The following NUDT3 variants were observed in gnomAD, a reference collection of about 807,000 sequenced individuals.
The protein encoded by NUDT3 is nudix hydrolase 3.
A neutral mutation model predicts 23.6 loss-of-function variants in NUDT3; 9 were observed. That is an observed-to-expected ratio of 0.38 (90% CI 0.23 to 0.66). NUDT3 has a LOEUF of 0.66. Among genes scored for constraint, NUDT3 ranks in the 30% least tolerant of loss-of-function variants. The probability of loss-of-function intolerance (pLI) is 0.52; values close to 1 mark genes in which losing one functional copy is unlikely to be tolerated. For synonymous variants in NUDT3, 86 were observed against 82.6 expected (o/e 1.04, Z -0.22); for missense variants, 172 against 218.5 (o/e 0.79, Z 1.34).
At chr6:34,326,446 T>C (rs1418453153) in intron 2 of NUDT3, among the ~76,000 whole-genome samples, 2 of 152,196 alleles carry the variant, frequency 1.3e-5, no homozygotes, top group African/African-American at 2.4e-5. Context: ...AATTAACACA[T>C]ACTTTGGTTG....
intron 1 of NUDT3, among the ~76,000 whole-genome samples, chr6:34,364,758 G>A (rs996345402): frequency 6.6e-6 from 1 of 152,202 alleles, no homozygotes; most frequent in Non-Finnish European, 1.5e-5. Context: ...AATCAGCTGG[G>A]TGCGGTGGCT....
intron 1 of NUDT3, 104 bp downstream of exon 1, chr6:34,392,160 G>T: frequency 1.3e-6 from 1 of 758,512 alleles, no homozygotes; most frequent in South Asian, 1.9e-5. Flanking sequence ...CCGCCCGAGC[G>T]GGGCGGCCCT....
chr6:34,379,840 C>T (rs1004591624), intron 1 of NUDT3, among the ~76,000 whole-genome samples: 1 of 151,758 alleles, frequency 6.6e-6, no homozygotes, highest in African/African-American at 2.4e-5. Context: ...CATGGTGAAA[C>T]CCCATCTCTA....
At chr6:34,344,803 C>T (rs1343082158) in intron 1 of NUDT3, among the ~76,000 whole-genome samples, 1 of 149,112 alleles carries the variant, frequency 6.7e-6, no homozygotes, top group Non-Finnish European at 1.5e-5. Context: ...AGGCACCTGT[C>T]ACCACGCCCA....
At chr6:34,297,554 T>G (rs947929200) in intron 2 of NUDT3, among the ~76,000 whole-genome samples, 20 of 148,958 alleles carry the variant, frequency 1.3e-4, no homozygotes, top group South Asian at 8.5e-4. Context: ...GTCATTGTTT[T>G]TTTTTTTTTT....
At chr6:34,388,372 A>C (rs1303240569) in intron 1 of NUDT3, among the ~76,000 whole-genome samples, 1 of 152,172 alleles carries the variant, frequency 6.6e-6, no homozygotes, top group Non-Finnish European at 1.5e-5. Flanking sequence ...TTATACTTAT[A>C]TTACTACTGT....
At chr6:34,343,183 C>T (rs1274174512) in intron 1 of NUDT3, among the ~76,000 whole-genome samples, 1 of 151,928 alleles carries the variant, frequency 6.6e-6, no homozygotes, top group Non-Finnish European at 1.5e-5. Flanking sequence ...TTGATTAATA[C>T]AATGTGAAAT....
At chr6:34,316,648 T>C (rs1172100310) in intron 2 of NUDT3, among the ~76,000 whole-genome samples, 2 of 152,184 alleles carry the variant, frequency 1.3e-5, no homozygotes, top group African/African-American at 4.8e-5. Context: ...CCAGGTTTAA[T>C]GTAAGATTGT....
intron 2 of NUDT3, among the ~76,000 whole-genome samples, chr6:34,312,401 C>CAA (rs71000050): frequency 9.3e-5 from 9 of 97,212 alleles, no homozygotes; most frequent in African/African-American, 1.6e-4. Context: ...GACTCATCAC[C>CAA]AAAAAAAAAA....
intron 1 of NUDT3, among the ~76,000 whole-genome samples, chr6:34,352,385 G>A (rs149026125): frequency 9.7e-4 from 148 of 152,234 alleles, no homozygotes; most frequent in Middle Eastern, 3.4e-3. Flanking sequence ...CCACAGGCTG[G>A]TCTCAAACTC....
At chr6:34,344,549 G>A (rs1764335635) in intron 1 of NUDT3, among the ~76,000 whole-genome samples, 1 of 152,206 alleles carries the variant, frequency 6.6e-6, no homozygotes, top group South Asian at 2.1e-4. Context: ...CTGGGGGAAG[G>A]GGAAAATGAG....
intron 1 of NUDT3, 113 bp downstream of exon 1, chr6:34,392,151 C>G: frequency 1.4e-6 from 1 of 712,292 alleles, no homozygotes; most frequent in Non-Finnish European, 2.2e-6. Context: ...AACTTCATTC[C>G]GCCCGAGCGG....
At chr6:34,294,457 T>TAATTACA (rs1763469245) in intron 3 of NUDT3, among the ~76,000 whole-genome samples, 1 of 151,856 alleles carries the variant, frequency 6.6e-6, no homozygotes, top group Non-Finnish European at 1.5e-5. Flanking sequence ...CCAGGGGCGG[T>TAATTACA]GGCTCATGCT....
intron 4 of NUDT3, among the ~76,000 whole-genome samples, chr6:34,292,814 C>T (rs908731762): frequency 7.1e-4 from 108 of 152,288 alleles, no homozygotes; most frequent in African/African-American, 2.6e-3. Context: ...GTGAGCCTGG[C>T]ATGGCGGAGG....
chr6:34,392,195 G>A, intron 1 of NUDT3, 69 bp downstream of exon 1: 1 of 1,279,606 alleles, frequency 7.8e-7, no homozygotes. Context: ...CGGCGGCCGC[G>A]CCCCTCGCGC....
chr6:34,392,447 C>T lies in NUDT3; in HGVS notation c.-85G>A. 2.0e-6 allele frequency: 2 copies of T among 1,010,482 alleles called. No individual in the cohort carries two copies. Among genetic ancestry groups the T allele is most frequent in the Non-Finnish European group, 2.9e-6 (2 of 687,098 alleles). The allele number at this position is 1,010,482 out of a possible 1,614,324, so 62.6% of individuals were successfully genotyped here. ...CTCTGGACGGCCGCGTGCGCGCGCG[C>T]CCCCGGCTCGGCCAAGGGAAGCAGG... On this transcript the variant is annotated 5_prime_UTR_variant, in exon 1 of 5. Coordinates refer to ENST00000607016, the MANE Select transcript of NUDT3 (RefSeq NM_006703.4).
At position 34,326,617 on chromosome 6, in the gene NUDT3, T is replaced by C. The variant is rs1764034780; in HGVS notation, c.210+15245A>G. 2.0e-5 allele frequency among the ~76,000 whole-genome samples: 3 copies of C among 152,152 alleles called. No individual in the cohort carries two copies. In the South Asian group the frequency reaches 6.2e-4, roughly 32 times the overall value. On this transcript the variant is annotated intron_variant, in intron 2 of 4. Coordinates refer to ENST00000607016, the MANE Select transcript of NUDT3 (RefSeq NM_006703.4). ...ATCCAGCTTTTTTTTTTTCTTTTTTTTGACACGGAGTCTTGCTCTGCTGCC... is the reference window on the plus strand; with the variant it reads ...ATCCAGCTTTTTTTTTTTCTTTTTTCTGACACGGAGTCTTGCTCTGCTGCC...
intron 1 of NUDT3, among the ~76,000 whole-genome samples, chr6:34,360,146 C>T (rs530627114): frequency 2.7e-5 from 4 of 146,944 alleles, no homozygotes; most frequent in Non-Finnish European, 5.9e-5. Flanking sequence ...GGAAGATCAC[C>T]TGAGCCTGGG....
At chr6:34,337,064 T>C (rs1764219009) in intron 2 of NUDT3, among the ~76,000 whole-genome samples, 3 of 152,246 alleles carry the variant, frequency 2.0e-5, no homozygotes, top group Non-Finnish European at 4.4e-5. Flanking sequence ...ACTTCTTTCA[T>C]TCTGTTTTGA....
Sources: gnomAD v4.1 joint callset for allele counts (sites outside exome capture counted in the v4.1 genomes callset) on GRCh38, gnomAD v4.1.1 for gene constraint, MANE v1.5 for transcripts, NCBI Gene and HGNC (gene_info 2026-07-23, HGNC 2026-07-21) for gene names.